Variants in LAMA1 observed in about 807,000 individuals in gnomAD.
LAMA1 encodes the protein laminin subunit alpha 1.
Under a neutral mutation model 348.7 loss-of-function variants are expected in LAMA1, and 219 were observed. That is an observed-to-expected ratio of 0.63 (90% CI 0.56 to 0.70). The LOEUF (loss-of-function observed/expected upper bound fraction) is 0.70. Ranked by LOEUF, LAMA1 falls within the 30% of genes least tolerant of loss-of-function variation. LAMA1 has a pLI of 0.00. For missense variants in LAMA1, 3,744 were observed against 3,888.0 expected (o/e 0.96, Z 0.99); for synonymous variants, 1,487 against 1,491.0 (o/e 1.00, Z 0.06).
At chr18:7,012,365 G>A (rs1187129589) in intron 23 of LAMA1, among the ~76,000 whole-genome samples, 3 of 151,868 alleles carry the variant, frequency 2.0e-5, no homozygotes, top group Admixed American at 6.6e-5. Context: ...GGAAGTGTTT[G>A]GAAAATACAG....
At chr18:7,042,370 A>T in intron 8 of LAMA1, 120 bp from the exon 9 acceptor site, 1 of 698,828 alleles carries the variant, frequency 1.4e-6, no homozygotes, top group Non-Finnish European at 2.6e-6. Context: ...GATTTTGTGC[A>T]TGGGGGTGGG....
chr18:7,040,008 A>C, intron 10 of LAMA1, 68 bp downstream of exon 10: 1 of 1,564,514 alleles, frequency 6.4e-7, no homozygotes, highest in Admixed American at 1.7e-5. Context: ...ATTGGAGCCA[A>C]TGGAAAACAC....
intron 55 of LAMA1, chr18:6,957,039 G>A (rs1023442356): frequency 1.9e-5 from 8 of 422,300 alleles, no homozygotes; most frequent in Non-Finnish European, 3.5e-5. Flanking sequence ...GGTCAGCTCC[G>A]ATGCCATCGC....
chr18:7,005,374 G>A (rs1043741874), intron 29 of LAMA1, among the ~76,000 whole-genome samples: 1 of 152,228 alleles, frequency 6.6e-6, no homozygotes, highest in Non-Finnish European at 1.5e-5. Context: ...GCTGTTTTGG[G>A]AGTGAGCTCC....
chr18:7,021,796 T>C (rs1186704714), intron 19 of LAMA1, among the ~76,000 whole-genome samples: 3 of 119,528 alleles, frequency 2.5e-5, no homozygotes, highest in Non-Finnish European at 5.1e-5. Flanking sequence ...GAAAATATAA[T>C]AATATATTAT....
intron 1 of LAMA1, among the ~76,000 whole-genome samples, chr18:7,114,051 T>C (rs1219398766): frequency 7.5e-6 from 1 of 133,336 alleles, no homozygotes; most frequent in Non-Finnish European, 1.5e-5. Context: ...CACTCCAGCC[T>C]GGGCGACAGA....
intron 1 of LAMA1, among the ~76,000 whole-genome samples, chr18:7,087,825 T>C (rs1460518947): frequency 6.6e-6 from 1 of 152,156 alleles, no homozygotes; most frequent in African/African-American, 2.4e-5. Flanking sequence ...TCTCTCTATA[T>C]GAATGATGAG....
chr18:7,014,948 G>A (rs192966309), intron 22 of LAMA1, among the ~76,000 whole-genome samples: 4,210 of 152,040 alleles, frequency 0.028, 112 homozygotes, highest in Non-Finnish European at 0.041. Context: ...CCGGGTTCAC[G>A]TCGTTCTCCT....
At chr18:7,116,376 T>G (rs1270426568) in intron 1 of LAMA1, among the ~76,000 whole-genome samples, 4 of 152,224 alleles carry the variant, frequency 2.6e-5, no homozygotes. Flanking sequence ...GGCTCCTTTC[T>G]TCTGGCTGAT....
intron 6 of LAMA1, among the ~76,000 whole-genome samples, chr18:7,045,087 T>TA (rs1555658927): frequency 0.017 from 2,636 of 152,266 alleles, 77 homozygotes; most frequent in African/African-American, 0.058. Context: ...AAACTTTTTT[T>TA]AAAAATATAC....
chr18:7,031,782 C>T (rs12964079), intron 16 of LAMA1, among the ~76,000 whole-genome samples: 20,499 of 150,948 alleles, frequency 0.14, 1,628 homozygotes, highest in Non-Finnish European at 0.17. Flanking sequence ...GCTTTATAGT[C>T]TCAGCAAATA....
At position 6,999,906 on chromosome 18, in the gene LAMA1, T is replaced by C. The variant is rs750915753; in HGVS notation, c.4469+5A>G. On this transcript the variant is annotated splice_donor_5th_base_variant and intron_variant, in intron 31 of 62. Coordinates refer to ENST00000389658, the MANE Select transcript of LAMA1 (RefSeq NM_005559.4). ...GGATTTCCACATGACAATCCACCCA[T>C]GTACCTTTCACAGTGTTTTCCTTCA... 2 of 1,613,446 alleles carry C rather than the reference T, an allele frequency of 1.2e-6. No individual in the cohort carries two copies. Among genetic ancestry groups the C allele is most frequent in the Non-Finnish European group, 1.7e-6 (2 of 1,179,366 alleles).
At chr18:6,987,907 T>C (rs996679327) in intron 36 of LAMA1, among the ~76,000 whole-genome samples, 1 of 152,206 alleles carries the variant, frequency 6.6e-6, no homozygotes, top group Non-Finnish European at 1.5e-5. Flanking sequence ...TGTGTGATCA[T>C]GAATCTATTA....
At chr18:7,066,323 A>T (rs574794506) in intron 3 of LAMA1, among the ~76,000 whole-genome samples, 11 of 152,312 alleles carry the variant, frequency 7.2e-5, no homozygotes, top group Non-Finnish European at 1.0e-4. Context: ...ACTTTATAAA[A>T]TGCACAATAC....
At chr18:7,102,590 C>T (rs1452679902) in intron 1 of LAMA1, among the ~76,000 whole-genome samples, 1 of 152,076 alleles carries the variant, frequency 6.6e-6, no homozygotes, top group African/African-American at 2.4e-5. Context: ...TGATACTATC[C>T]CACAGCAATA....
intron 8 of LAMA1, chr18:7,042,655 C>A: frequency 4.0e-6 from 1 of 248,226 alleles, no homozygotes; most frequent in Non-Finnish European, 7.9e-6. Context: ...GAGGCCAAGG[C>A]AGGCGGACCA....
intron 3 of LAMA1, chr18:7,079,684 A>T (rs1310989864): frequency 2.2e-6 from 1 of 445,176 alleles, no homozygotes; most frequent in Non-Finnish European, 4.1e-6. Context: ...GCCAGCAAAC[A>T]GCCTGACATG....
chr18:6,973,628 C>T (rs1051753551), intron 46 of LAMA1, among the ~76,000 whole-genome samples: 2 of 152,096 alleles, frequency 1.3e-5, no homozygotes, highest in Non-Finnish European at 2.9e-5. Context: ...AAAATGCACC[C>T]CCCACTTGCA....
intron 26 of LAMA1, among the ~76,000 whole-genome samples, chr18:7,009,664 C>T (rs923624044): frequency 3.3e-5 from 5 of 152,182 alleles, no homozygotes; most frequent in Non-Finnish European, 7.4e-5. Context: ...TCTCCTGTAC[C>T]ACTATCTCTA....
Sources: allele counts gnomAD v4.1 joint callset (sites outside exome capture counted in the v4.1 genomes callset), GRCh38; gene constraint gnomAD v4.1.1; transcripts MANE v1.5; gene names NCBI Gene and HGNC (gene_info 2026-07-23, HGNC 2026-07-21).